The following KAT6A variants were observed in gnomAD, a reference collection of about 807,000 sequenced individuals.
KAT6A encodes the protein lysine acetyltransferase 6A.
Under a neutral mutation model 198.4 loss-of-function variants are expected in KAT6A, and 9 were observed. The ratio of observed to expected loss-of-function variants is 0.05; its 90% CI spans 0.03 to 0.08. The LOEUF is 0.08. KAT6A is among the 10% of genes least tolerant of loss of function. KAT6A has a pLI of 1.00. For synonymous variants in KAT6A, 890 were observed against 883.0 expected (o/e 1.01, Z -0.14); for missense variants, 2,077 against 2,509.9 (o/e 0.83, Z 3.69).
rs1822129326 is a variant in KAT6A at position 41,941,423 on chromosome 8, C to T, written c.2458G>A (p.Glu820Lys). The T allele has an allele frequency of 2.5e-6, 4 of 1,596,712 alleles. No individual in the cohort carries two copies. The highest frequency in any genetic ancestry group is 1.3e-5 in the African/African-American group (1 of 74,228). The change falls in exon 15 of 17, where the codon GAG becomes AAG. Residue 820 changes from glutamate (E) to lysine (K), a missense_variant. By Grantham distance (56) the Glu-to-Lys change is moderately conservative. This residue lies in a region of KAT6A where 301 missense variants were observed against 272.2 expected (regional missense o/e 1.11). Coordinates refer to ENST00000265713, the MANE Select transcript of KAT6A (RefSeq NM_006766.5). ...GAATAAGAATCTTGTTCTTTGTTCT[C>T]ATGAGACACAGACTTTCCCACCTGA... ...EISVGKSVSH[E>K]NKEQDSYSVE...
chr8:41,982,334 T>C (rs533715667), intron 3 of KAT6A, among the ~76,000 whole-genome samples: 1 of 152,280 alleles, frequency 6.6e-6, no homozygotes, highest in Non-Finnish European at 1.5e-5. Context: ...ACAAAAAAGC[T>C]GTTTACACTG....
chr8:41,981,998 A>G (rs1824378131), intron 3 of KAT6A, 44 bp from the exon 4 acceptor site: 1 of 1,145,800 alleles, frequency 8.7e-7, no homozygotes, highest in African/African-American at 1.5e-5. Flanking sequence ...ATCAAGAACT[A>G]TTTTGCTATT....
At chr8:42,034,169 T>C (rs959625801) in intron 2 of KAT6A, among the ~76,000 whole-genome samples, 3 of 152,172 alleles carry the variant, frequency 2.0e-5, no homozygotes, top group African/African-American at 7.2e-5. Flanking sequence ...GAAAACAAGA[T>C]AGATCTGAGG....
chr8:41,981,707 A>C, intron 4 of KAT6A, 132 bp downstream of exon 4: 1 of 626,928 alleles, frequency 1.6e-6, no homozygotes, highest in Non-Finnish European at 2.9e-6. Context: ...TGTAGTTTAA[A>C]GAGACTACCG....
At chr8:41,981,281 G>T (rs1341598093) in intron 4 of KAT6A, among the ~76,000 whole-genome samples, 1 of 152,176 alleles carries the variant, frequency 6.6e-6, no homozygotes, top group East Asian at 1.9e-4. Context: ...TCGTGCCACT[G>T]CACTCCAGCC....
chr8:41,933,832 T>G lies in KAT6A; in HGVS notation c.4388A>C (p.Asp1463Ala), dbSNP rs930544267. 6.2e-7 allele frequency: 1 copy of G among 1,614,004 alleles called. No homozygotes were observed. Among genetic ancestry groups the G allele is most frequent in the Non-Finnish European group, 8.5e-7 (1 of 1,180,022 alleles). ...CQTLQSYTQA[D>A]EDPQMSMVED... ...AACCATGGACATCTGAGGGTCCTCGTCAGCCTGGGTGTAACTCTGCAGGGT... is the reference window on the plus strand; with the variant it reads ...AACCATGGACATCTGAGGGTCCTCGGCAGCCTGGGTGTAACTCTGCAGGGT... Residue 1463 changes from aspartate to alanine, a missense_variant, in exon 17 of 17, where the codon GAC (aspartate) becomes GCC (alanine). Asp to Ala is a moderately radical substitution (Grantham distance 126). Transcript: ENST00000265713. The surrounding 1 kb of genome is among the most constrained non-coding windows in gnomAD (Gnocchi z 6.2).
intron 8 of KAT6A, among the ~76,000 whole-genome samples, chr8:41,969,453 C>T (rs1185535532): frequency 6.6e-6 from 1 of 152,154 alleles, no homozygotes; most frequent in Non-Finnish European, 1.5e-5. Flanking sequence ...ACACATAAAA[C>T]TCATCACTAA....
At chr8:41,964,601 C>T (rs962137197) in intron 8 of KAT6A, among the ~76,000 whole-genome samples, 12 of 133,462 alleles carry the variant, frequency 9.0e-5, no homozygotes, top group African/African-American at 3.4e-4. Context: ...GACGGCTAAG[C>T]ATATGATGCA....
intron 2 of KAT6A, among the ~76,000 whole-genome samples, chr8:42,017,910 A>C (rs1245012043): frequency 6.6e-6 from 1 of 152,188 alleles, no homozygotes; most frequent in Non-Finnish European, 1.5e-5. Flanking sequence ...CCGCACTTAG[A>C]AGTACCTATC....
At chr8:42,022,557 T>C (rs1051981701) in intron 2 of KAT6A, among the ~76,000 whole-genome samples, 2 of 152,166 alleles carry the variant, frequency 1.3e-5, no homozygotes, top group Non-Finnish European at 2.9e-5. Flanking sequence ...TTTTCACTTG[T>C]CAGACTGCCA....
At chr8:42,036,463 A>G (rs1827381502) in intron 2 of KAT6A, among the ~76,000 whole-genome samples, 1 of 152,118 alleles carries the variant, frequency 6.6e-6, no homozygotes, top group Non-Finnish European at 1.5e-5. Flanking sequence ...AAATACAAAA[A>G]TTAGCCAGGG....
intron 12 of KAT6A, among the ~76,000 whole-genome samples, chr8:41,946,380 G>A (rs1822387191): frequency 6.6e-6 from 1 of 151,992 alleles, no homozygotes. Flanking sequence ...TGGGATTAGA[G>A]GTATGAGCCA....
At chr8:41,949,049 A>G (rs1210123262) in intron 10 of KAT6A, among the ~76,000 whole-genome samples, 173 bp downstream of exon 10, 1 of 152,252 alleles carries the variant, frequency 6.6e-6, no homozygotes, top group African/African-American at 2.4e-5. Context: ...ATCTTAATAT[A>G]TGCAAAATCA....
chr8:41,967,843 T>C (rs1463891190), intron 8 of KAT6A, among the ~76,000 whole-genome samples: 1 of 152,072 alleles, frequency 6.6e-6, no homozygotes, highest in Non-Finnish European at 1.5e-5. Flanking sequence ...ATCTGATCTT[T>C]GACAAACCTG....
chr8:41,986,259 T>C (rs1824597076), intron 3 of KAT6A, among the ~76,000 whole-genome samples: 1 of 152,166 alleles, frequency 6.6e-6, no homozygotes, highest in African/African-American at 2.4e-5. Flanking sequence ...GTTCTTGAAA[T>C]GTAGAGCAAG....
chr8:41,980,185 G>A (rs1824278067), intron 5 of KAT6A, among the ~76,000 whole-genome samples: 1 of 152,102 alleles, frequency 6.6e-6, no homozygotes, highest in African/African-American at 2.4e-5. Flanking sequence ...GAGGGGTCTG[G>A]CTGAAGTTTT....
intron 2 of KAT6A, among the ~76,000 whole-genome samples, chr8:42,038,215 A>C (rs1353263799): frequency 6.6e-6 from 1 of 152,168 alleles, no homozygotes; most frequent in Non-Finnish European, 1.5e-5. Flanking sequence ...TTTTCCCAAA[A>C]CTCAAGGAGT....
Position 41,933,904 on chromosome 8 carries a change from T to G in KAT6A, c.4316A>C (p.His1439Pro), listed in dbSNP as rs755323879. The change falls in exon 17 of 17, where the codon CAT (histidine) becomes CCT (proline). Residue 1439 changes from histidine (H) to proline (P), a missense_variant. Physicochemically the swap from His to Pro is moderately conservative, Grantham distance 77. Around this residue, in one of 13 missense-constraint regions of KAT6A, gnomAD observed 178 missense variants for 220.8 expected, o/e 0.81. Transcript: ENST00000265713. This position sits in a 1 kb window ranked among gnomAD's most constrained non-coding sequence, Gnocchi z 6.2. ...QSLTQEESSE[H>P]EGAYQDCEET... ...CTCACAGTCCTGGTAGGCGCCCTCA[T>G]GCTCACTGCTTTCTTCTTGAGTCAA... is the stretch of plus-strand genomic sequence containing the variant. 1.5e-5 allele frequency: 24 copies of G among 1,614,188 alleles called. No homozygotes were observed. The highest frequency in any genetic ancestry group is 1.9e-5 in the Non-Finnish European group (22 of 1,180,036).
intron 2 of KAT6A, 65 bp from the exon 3 acceptor site, chr8:41,987,628 C>A (rs1824688412): frequency 2.1e-6 from 2 of 947,032 alleles, no homozygotes; most frequent in Non-Finnish European, 3.3e-6. Context: ...ACAAAGACAT[C>A]AAAATTATAG....
Sources: allele counts gnomAD v4.1 joint callset (sites outside exome capture counted in the v4.1 genomes callset), GRCh38; gene constraint gnomAD v4.1.1; regional missense constraint gnomAD v4.1.1; non-coding constraint Gnocchi (gnomAD v3.1); transcripts MANE v1.5; gene names NCBI Gene and HGNC (gene_info 2026-07-23, HGNC 2026-07-21).